Variants in SPTAN1 observed in about 807,000 individuals in gnomAD.
SPTAN1 encodes spectrin alpha chain, non-erythrocytic 1.
In SPTAN1, 61 loss-of-function variants were observed where a neutral mutation model predicts 331.3. The observed-to-expected ratio is 0.18, with a 90% CI of 0.15 to 0.23. SPTAN1 has a LOEUF of 0.23. Ranked by LOEUF, SPTAN1 falls within the 10% of genes least tolerant of loss-of-function variation. The pLI, the probability that SPTAN1 is intolerant of heterozygous loss-of-function variation, is 1.00. For missense variants in SPTAN1, 2,043 were observed against 3,147.9 expected (o/e 0.65, Z 8.40); for synonymous variants, 1,153 against 1,173.9 (o/e 0.98, Z 0.36).
chr9:128,608,870 A>G lies in SPTAN1; in HGVS notation c.4492-4A>G, dbSNP rs752954055. On this transcript the variant is annotated splice_region_variant and splice_polypyrimidine_tract_variant and intron_variant, in intron 34 of 56. Coordinates refer to ENST00000372739, the MANE Select transcript of SPTAN1 (RefSeq NM_001130438.3). ...CTTGATCTCATGCCTTTGTTTTCTG[A>G]CAGGAAGAGAAGATTGCTGCTCTGC... The G allele has an allele frequency of 1.2e-6, 2 of 1,613,612 alleles. No homozygotes were observed. Among genetic ancestry groups the G allele is most frequent in the Non-Finnish European group, 1.7e-6 (2 of 1,179,916 alleles).
intron 10 of SPTAN1, 131 bp downstream of exon 10, chr9:128,579,869 C>G (rs1851731014): frequency 1.3e-6 from 1 of 797,198 alleles, no homozygotes; most frequent in Admixed American, 2.0e-5. Flanking sequence ...CCTTTCTCTG[C>G]AGAGGTTTAA....
At chr9:128,598,695 G>C in intron 25 of SPTAN1, 191 bp downstream of exon 25, 1 of 678,046 alleles carries the variant, frequency 1.5e-6, no homozygotes. Flanking sequence ...CTTTCACTTG[G>C]TTTGGAGGGG....
chr9:128,592,541 G>A (rs1265185195), intron 22 of SPTAN1, among the ~76,000 whole-genome samples: 1 of 152,230 alleles, frequency 6.6e-6, no homozygotes, highest in Non-Finnish European at 1.5e-5. Context: ...CCAGAGTGCT[G>A]GGATTACAGG....
rs1439113614 is a variant in SPTAN1, at chr9:128,633,450, AAGACTT to A, written c.*119_*124del. 4.5e-6 allele frequency: 7 copies of A among 1,550,466 alleles called. No homozygotes were observed. The highest frequency in any genetic ancestry group is 6.2e-6 in the Non-Finnish European group (7 of 1,134,972). On this transcript the variant is annotated 3_prime_UTR_variant, in exon 57 of 57. Transcript: ENST00000372739. ...ACCTTAAGCCTGCTTAGCTTGGAAT[AAGACTT>A]AGGAGAAAATGGTGCTTCACTAACC... is the stretch of plus-strand genomic sequence containing the variant.
intron 3 of SPTAN1, among the ~76,000 whole-genome samples, chr9:128,570,706 G>T (rs1299014498): frequency 6.6e-6 from 1 of 151,318 alleles, no homozygotes; most frequent in Non-Finnish European, 1.5e-5. Flanking sequence ...GCCCCGGCTG[G>T]AGTGGAATGG....
chr9:128,568,783 G>A lies in SPTAN1; in HGVS notation c.249G>A (p.Gln83=). 6.2e-7 allele frequency: 1 copy of A among 1,614,134 alleles called. No homozygotes were observed. The highest frequency in any genetic ancestry group is 8.5e-7 in the Non-Finnish European group (1 of 1,179,988). ...AGGTCCGCCAACAGGGAAAGCTTCA[G>A]AAGCATCAAGCATTTGAAGCTGAAG... ...KDPTNLQGKL[Q]KHQAFEAEVQ... The change falls in exon 3 of 57, where the codon CAG becomes CAA. Residue 83 remains glutamine (Q), a synonymous_variant. Coordinates refer to ENST00000372739, the MANE Select transcript of SPTAN1 (RefSeq NM_001130438.3).
rs771469654 is a variant in SPTAN1 at position 128,608,317 on chromosome 9, C to T, written c.4491+41C>T. The T allele has an allele frequency of 1.8e-5, 29 of 1,613,122 alleles. No individual in the cohort carries two copies. The African/African-American group carries it at 3.3e-4, about 19-fold the overall frequency. On this transcript the variant is annotated intron_variant, in intron 34 of 56. Coordinates refer to ENST00000372739, the MANE Select transcript of SPTAN1 (RefSeq NM_001130438.3). Reference sequence around the variant, plus strand: ...CATGGAGTTGGAGTCTGGATTTTTCCTGATTGACATCTGTTTCTTGGCTTA... The same window carrying T: ...CATGGAGTTGGAGTCTGGATTTTTCTTGATTGACATCTGTTTCTTGGCTTA...
chr9:128,576,766 C>T, intron 5 of SPTAN1, 57 bp from the exon 6 acceptor site: 1 of 1,605,458 alleles, frequency 6.2e-7, no homozygotes, highest in Non-Finnish European at 8.5e-7. Flanking sequence ...CCCAGGGTAA[C>T]TAGTTGGAGG....
At chr9:128,592,956 T>C (rs752585555) in intron 22 of SPTAN1, 27 bp from the exon 23 acceptor site, 2 of 1,595,150 alleles carry the variant, frequency 1.3e-6, no homozygotes, top group South Asian at 2.3e-5. Flanking sequence ...AATTCGTGCA[T>C]GCTTTTGCTG....
chr9:128,593,595 G>C (rs1488856170), intron 23 of SPTAN1: 2 of 204,008 alleles, frequency 9.8e-6, no homozygotes, highest in Non-Finnish European at 2.0e-5. Context: ...GTAACAGAAT[G>C]GCACAGATAC....
intron 1 of SPTAN1, among the ~76,000 whole-genome samples, chr9:128,563,715 CTTT>C (rs532597370): frequency 1.3e-4 from 18 of 133,460 alleles, no homozygotes; most frequent in Admixed American, 1.5e-4. Flanking sequence ...TCAACCATTT[CTTT>C]TTTTTTTTTT....
Position 128,622,330 on chromosome 9 carries a change from G to A in SPTAN1, c.5832+1074G>A, listed in dbSNP as rs191112872. The stretch of plus-strand genomic sequence containing the variant: ...TTTTTTTTTTTTGCGACGGAGTTTC[G>A]CTCTTGTTGCCCAGGCTGGAGTGCA... On this transcript the variant is annotated intron_variant, in intron 45 of 56. Coordinates refer to ENST00000372739, the MANE Select transcript of SPTAN1 (RefSeq NM_001130438.3). 5.7e-5 allele frequency among the ~76,000 whole-genome samples: 7 copies of A among 123,838 alleles called. No individual in the cohort carries two copies. In the East Asian group the frequency reaches 1.8e-3, roughly 31 times the overall value. 81.2% of individuals were successfully genotyped at this position (123,838 alleles called of 152,430 possible).
chr9:128,594,073 TG>T, intron 23 of SPTAN1, 101 bp from the exon 24 acceptor site: 1 of 1,112,942 alleles, frequency 9.0e-7, no homozygotes, highest in Non-Finnish European at 1.4e-6. Context: ...ACTCGTAGCC[TG>T]GAATCCACAT....
Position 128,626,672 on chromosome 9 carries a change from A to T in SPTAN1, c.6561A>T (p.Leu2187=), listed in dbSNP as rs1482545101. 3 of 1,611,206 alleles carry T rather than the reference A, an allele frequency of 1.9e-6. No homozygotes were observed. Among genetic ancestry groups the T allele is most frequent in the South Asian group, 2.2e-5 (2 of 90,760 alleles). The change falls in exon 49 of 57, where the codon CTA becomes CTT. Residue 2187 remains leucine (L), a synonymous_variant. Transcript: ENST00000372739. The part of the protein sequence containing the change: ...MEALEETWRN[L]QKIIKERELE... Reference sequence around the variant, plus strand: ...CCCTGGAGGAGACCTGGAGGAACCTACAGAAAATCATCAAGGTACACCTCC... The same window carrying T: ...CCCTGGAGGAGACCTGGAGGAACCTTCAGAAAATCATCAAGGTACACCTCC...
intron 52 of SPTAN1, 28 bp downstream of exon 52, chr9:128,630,403 C>A (rs750537498): frequency 1.2e-6 from 2 of 1,611,298 alleles, no homozygotes; most frequent in East Asian, 4.5e-5. Context: ...TCTGGCCCAG[C>A]AGAGACCCTT....
chr9:128,606,504 G>A (rs1451291252), intron 31 of SPTAN1, among the ~76,000 whole-genome samples: 2 of 148,674 alleles, frequency 1.3e-5, no homozygotes, highest in Non-Finnish European at 3.0e-5. Flanking sequence ...TTTTGGGGGG[G>A]GAAGCGTTTC....
chr9:128,599,284 G>A, intron 26 of SPTAN1: 2 of 414,158 alleles, frequency 4.8e-6, no homozygotes, highest in Admixed American at 3.6e-5. Flanking sequence ...CCACGCATGT[G>A]GCACCACACC....
chr9:128,571,898 C>G (rs1317682678), intron 3 of SPTAN1, among the ~76,000 whole-genome samples: 1 of 152,148 alleles, frequency 6.6e-6, no homozygotes, highest in African/African-American at 2.4e-5. Flanking sequence ...GCTGTGTCAC[C>G]CATGCTGGAG....
At chr9:128,570,085 T>TA (rs1294912441) in intron 3 of SPTAN1, among the ~76,000 whole-genome samples, 1 of 152,026 alleles carries the variant, frequency 6.6e-6, no homozygotes, top group Non-Finnish European at 1.5e-5. Context: ...TATACAGTCT[T>TA]AGAGTAAATG....
Sources: allele counts gnomAD v4.1 joint callset (sites outside exome capture counted in the v4.1 genomes callset), GRCh38; gene constraint gnomAD v4.1.1; transcripts MANE v1.5; gene names NCBI Gene and HGNC (gene_info 2026-07-23, HGNC 2026-07-21).